DLC1: variants seen among roughly 807,000 people sequenced by gnomAD.
DLC1 encodes rho GTPase-activating protein 7.
DLC1 carries 54 observed loss-of-function variants against 140.3 expected under a neutral mutation model. The observed-to-expected ratio is 0.38, with a 90% confidence interval of 0.31 to 0.48. The LOEUF (loss-of-function observed/expected upper bound fraction) is 0.48. Ranked by LOEUF, DLC1 falls within the 20% of genes least tolerant of loss-of-function variation. DLC1 has a pLI of 0.96. For missense variants in DLC1, 2,536 were observed against 1,907.0 expected (o/e 1.33, Z -6.14); for synonymous variants, 986 against 728.1 (o/e 1.35, Z -5.70).
intron 12 of DLC1, among the ~76,000 whole-genome samples, 181 bp from the exon 13 acceptor site, chr8:13,093,006 C>T (rs746095557): frequency 1.3e-5 from 2 of 152,190 alleles, no homozygotes; most frequent in Non-Finnish European, 2.9e-5. Flanking sequence ...TCACTATCCT[C>T]AAGTATTTCC....
exon 1 of DLC1, chr8:13,604,574 G>A (rs975618877): frequency 3.9e-5 from 6 of 152,188 alleles, no homozygotes. Context: ...GCAGAGTAGA[G>A]CAGATGAACT....
intron 2 of DLC1, among the ~76,000 whole-genome samples, chr8:13,417,153 G>A (rs1838104954): frequency 6.6e-6 from 1 of 152,032 alleles, no homozygotes; most frequent in African/African-American, 2.4e-5. Flanking sequence ...GGGATTTTTA[G>A]GAAGAGAAAA....
At chr8:13,538,891 C>G (rs530893514) in intron 1 of DLC1, among the ~76,000 whole-genome samples, 7 of 152,268 alleles carry the variant, frequency 4.6e-5, no homozygotes, top group East Asian at 3.9e-4. Flanking sequence ...TCGTAAATAT[C>G]TTTTTCCTTT....
Position 13,439,654 on chromosome 8 carries a change from T to C in DLC1, c.1024-38035A>G, listed in dbSNP as rs140942581. On this transcript the variant is annotated intron_variant, in intron 2 of 17. Coordinates refer to ENST00000276297, the MANE Select transcript of DLC1 (RefSeq NM_182643.3). ...TCGATAAAATCTAGACCAGTTATTA[T>C]TCTCTATTACTTTGGAGATTTAGAG... Among the ~76,000 whole-genome samples the C allele has an allele frequency of 1.1e-4, 16 of 152,302 alleles. No individual in the cohort carries two copies. In the East Asian group the frequency reaches 2.5e-3, roughly 24 times the overall value.
intron 2 of DLC1, among the ~76,000 whole-genome samples, chr8:13,433,991 G>A (rs1050531340): frequency 5.9e-5 from 9 of 152,150 alleles, no homozygotes; most frequent in Admixed American, 2.6e-4. Flanking sequence ...GAGCAGCTGC[G>A]ATTACAGGCC....
At chr8:13,321,536 C>CA (rs1486480504) in intron 4 of DLC1, among the ~76,000 whole-genome samples, 14 of 6,016 alleles carry the variant, frequency 2.3e-3, no homozygotes, top group Admixed American at 3.4e-3. Context: ...GACTCAGTCT[C>CA]AAAAAAGAAA....
At chr8:13,540,707 G>T (rs1803454409) in intron 1 of DLC1, among the ~76,000 whole-genome samples, 2 of 152,112 alleles carry the variant, frequency 1.3e-5, no homozygotes, top group South Asian at 2.1e-4. Flanking sequence ...TAGTAATGAG[G>T]CTGTGAAGAC....
intron 12 of DLC1, among the ~76,000 whole-genome samples, chr8:13,093,539 T>C (rs1305338640): frequency 6.6e-6 from 1 of 152,120 alleles, no homozygotes; most frequent in East Asian, 1.9e-4. Context: ...AGGTAGAAAA[T>C]GCTGATCCCG....
intron 5 of DLC1, among the ~76,000 whole-genome samples, chr8:13,192,721 T>C (rs916203900): frequency 6.6e-6 from 1 of 152,154 alleles, no homozygotes; most frequent in Non-Finnish European, 1.5e-5. Context: ...ATGATGCTGT[T>C]AGGGCAGGAT....
intron 2 of DLC1, among the ~76,000 whole-genome samples, chr8:13,469,291 A>G (rs1220926263): frequency 6.6e-6 from 1 of 152,210 alleles, no homozygotes; most frequent in Admixed American, 6.5e-5. Flanking sequence ...TACTGCTTTG[A>G]AAAATAAATT....
At chr8:13,219,471 G>A (rs1037028658) in intron 5 of DLC1, among the ~76,000 whole-genome samples, 5 of 104,940 alleles carry the variant, frequency 4.8e-5, no homozygotes, top group Non-Finnish European at 8.2e-5. Context: ...TAGAATTGCT[G>A]GGTCATATGA....
chr8:13,352,945 TA>T (rs1045513480), intron 4 of DLC1, among the ~76,000 whole-genome samples: 5 of 152,072 alleles, frequency 3.3e-5, no homozygotes, highest in East Asian at 3.9e-4. Flanking sequence ...GGAAATACAC[TA>T]AAAAAAATCC....
At chr8:13,322,315 GT>G (rs1833157287) in intron 4 of DLC1, among the ~76,000 whole-genome samples, 1 of 152,068 alleles carries the variant, frequency 6.6e-6, no homozygotes, top group African/African-American at 2.4e-5. Flanking sequence ...CATCTTAATT[GT>G]TTTAGTTACT....
intron 4 of DLC1, among the ~76,000 whole-genome samples, chr8:13,320,866 A>G (rs1018911903): frequency 1.1e-4 from 16 of 152,248 alleles, no homozygotes; most frequent in South Asian, 2.1e-4. Context: ...AAATTAATCA[A>G]TTTTTGAAAA....
chr8:13,104,033 A>T (rs1264128935), intron 7 of DLC1, among the ~76,000 whole-genome samples: 2 of 152,176 alleles, frequency 1.3e-5, no homozygotes, highest in African/African-American at 4.8e-5. Flanking sequence ...ATAATCTTGG[A>T]CAGCCTGTCT....
chr8:13,160,400 A>C (rs1036542568), intron 5 of DLC1: 2 of 152,256 alleles, frequency 1.3e-5, no homozygotes, highest in African/African-American at 4.8e-5. Context: ...TTTGACTCAG[A>C]AAATATTCCA....
At chr8:13,135,788 G>A (rs1822525401) in intron 5 of DLC1, among the ~76,000 whole-genome samples, 1 of 152,098 alleles carries the variant, frequency 6.6e-6, no homozygotes, top group African/African-American at 2.4e-5. Context: ...AGTAAAACAG[G>A]CAAAACTTCT....
chr8:13,432,419 T>C (rs1034265754), intron 2 of DLC1, among the ~76,000 whole-genome samples: 2 of 152,238 alleles, frequency 1.3e-5, no homozygotes, highest in Middle Eastern at 3.2e-3. Context: ...ATACATCTTA[T>C]ATGCACTCAT....
chr8:13,588,073 A>G (rs143640322), intron 1 of DLC1, among the ~76,000 whole-genome samples: 143 of 152,244 alleles, frequency 9.4e-4, no homozygotes, highest in Admixed American at 2.0e-3. Context: ...TAAAAGTCAG[A>G]CAGTCTTCAG....
Sources: gnomAD v4.1 joint callset for allele counts (sites outside exome capture counted in the v4.1 genomes callset) on GRCh38, gnomAD v4.1.1 for gene constraint, MANE v1.5 for transcripts, NCBI Gene and HGNC (gene_info 2026-07-23, HGNC 2026-07-21) for gene names.